The following RORA variants were observed in gnomAD, a reference collection of about 807,000 sequenced individuals.
RORA encodes the protein RAR related orphan receptor A, also known as nuclear receptor ROR-alpha.
Under a neutral mutation model 69.5 loss-of-function variants are expected in RORA, and 7 were observed. That is an observed-to-expected ratio of 0.10 (90% CI 0.06 to 0.19). RORA has a LOEUF of 0.19. Among genes scored for constraint, RORA ranks in the 10% least tolerant of loss-of-function variants. RORA has a pLI of 1.00. For synonymous variants in RORA, 261 were observed against 240.8 expected, an observed-to-expected ratio of 1.08 and a Z score of -0.78; for missense variants, 457 against 663.0, an observed-to-expected ratio of 0.69 and a Z score of 3.41.
intron 2 of RORA, among the ~76,000 whole-genome samples, chr15:60,588,292 A>G (rs1021798096): frequency 1.3e-5 from 2 of 152,230 alleles, no homozygotes; most frequent in East Asian, 3.8e-4. Flanking sequence ...TTTCTTACTA[A>G]TAAGTGCTGT....
At chr15:61,091,409 C>T (rs187904762) in intron 1 of RORA, among the ~76,000 whole-genome samples, 28 of 152,156 alleles carry the variant, frequency 1.8e-4, no homozygotes, top group Middle Eastern at 3.2e-3. Flanking sequence ...CGTCCGTAAG[C>T]GCTGCTGTAC....
chr15:60,945,958 T>C (rs1892856565), intron 1 of RORA, among the ~76,000 whole-genome samples: 1 of 152,048 alleles, frequency 6.6e-6, no homozygotes, highest in Admixed American at 6.5e-5. Flanking sequence ...GACTGACGAG[T>C]CAGGAATGTA....
At chr15:60,760,112 C>T (rs1376015139) in intron 1 of RORA, among the ~76,000 whole-genome samples, 3 of 151,504 alleles carry the variant, frequency 2.0e-5, no homozygotes, top group African/African-American at 7.3e-5. Context: ...TTTTAATTTA[C>T]TTCATTAGAA....
intron 1 of RORA, chr15:60,706,350 G>A (rs2071063090): frequency 6.6e-6 from 1 of 152,176 alleles, no homozygotes; most frequent in Non-Finnish European, 1.5e-5. Context: ...TGTGGCTGTG[G>A]TTTGGTTTCT....
chr15:61,164,801 A>C (rs1446841597), intron 1 of RORA, among the ~76,000 whole-genome samples: 2 of 152,192 alleles, frequency 1.3e-5, no homozygotes, highest in East Asian at 3.9e-4. Flanking sequence ...ATTTTTGAAA[A>C]ATTAAGAGAG....
At chr15:60,628,965 C>T (rs946416429) in intron 2 of RORA, among the ~76,000 whole-genome samples, 8 of 152,222 alleles carry the variant, frequency 5.3e-5, no homozygotes, top group African/African-American at 1.7e-4. Flanking sequence ...AGGAGCTTTT[C>T]CCTGAGCTAG....
chr15:61,222,197 A>C (rs2080104136), intron 1 of RORA, among the ~76,000 whole-genome samples: 1 of 152,158 alleles, frequency 6.6e-6, no homozygotes, highest in Non-Finnish European at 1.5e-5. Context: ...CTCAGCTGTC[A>C]GTGGGTGCTG....
At chr15:60,985,542 T>C (rs964587645) in intron 1 of RORA, among the ~76,000 whole-genome samples, 6 of 149,558 alleles carry the variant, frequency 4.0e-5, no homozygotes, top group Non-Finnish European at 8.9e-5. Flanking sequence ...TTTTCTCACA[T>C]ACGAAAAATT....
At chr15:60,648,932 G>A (rs1232969585) in intron 2 of RORA, among the ~76,000 whole-genome samples, 1 of 152,068 alleles carries the variant, frequency 6.6e-6, no homozygotes, top group Non-Finnish European at 1.5e-5. Context: ...CATATTAAAG[G>A]AGTTTACATG....
intron 1 of RORA, among the ~76,000 whole-genome samples, chr15:60,682,856 C>T (rs2070665831): frequency 6.6e-6 from 1 of 152,196 alleles, no homozygotes; most frequent in Non-Finnish European, 1.5e-5. Context: ...GAGATAGGGA[C>T]TTGATAGAAT....
chr15:61,196,075 T>C (rs747029248), intron 1 of RORA: 1 of 152,248 alleles, frequency 6.6e-6, no homozygotes, highest in South Asian at 2.1e-4. Flanking sequence ...GCTATTTTAG[T>C]AGCAAAACCC....
intron 2 of RORA, among the ~76,000 whole-genome samples, chr15:60,634,567 G>A (rs2069802434): frequency 6.7e-6 from 1 of 149,784 alleles, no homozygotes; most frequent in Non-Finnish European, 1.5e-5. Context: ...ACCACGCCCG[G>A]CTAATTTTTG....
At chr15:60,947,077 C>A (rs1004754145) in intron 1 of RORA, among the ~76,000 whole-genome samples, 1 of 87,004 alleles carries the variant, frequency 1.1e-5, no homozygotes, top group Non-Finnish European at 3.1e-5. Context: ...GGGCCAGCCC[C>A]CGACCGGCCA....
chr15:60,497,666 G>A (rs772569544), intron 10 of RORA, 47 bp from the exon 11 acceptor site: 9 of 1,481,196 alleles, frequency 6.1e-6, no homozygotes, highest in Non-Finnish European at 7.5e-6. Context: ...ACAGGCATAA[G>A]CATCAAAGAT....
At chr15:61,153,190 G>C (rs149112701) in intron 1 of RORA, among the ~76,000 whole-genome samples, 145 of 152,304 alleles carry the variant, frequency 9.5e-4, no homozygotes, top group African/African-American at 3.4e-3. Flanking sequence ...AAGGCAGGTT[G>C]GAGCCCCAAG....
intron 1 of RORA, among the ~76,000 whole-genome samples, chr15:60,731,031 T>G (rs1360135700): frequency 6.6e-6 from 1 of 152,160 alleles, no homozygotes; most frequent in Non-Finnish European, 1.5e-5. Context: ...TAGTTATTCT[T>G]CCTAATCTTC....
chr15:60,665,166 G>T (rs1445365913), intron 2 of RORA, among the ~76,000 whole-genome samples: 1 of 152,168 alleles, frequency 6.6e-6, no homozygotes, highest in African/African-American at 2.4e-5. Flanking sequence ...GGGATTATCA[G>T]GACATCTACT....
intron 2 of RORA, among the ~76,000 whole-genome samples, chr15:60,573,069 C>T (rs1392193141): frequency 6.6e-6 from 1 of 152,154 alleles, no homozygotes; most frequent in African/African-American, 2.4e-5. Context: ...AAGCTGGCTC[C>T]AACCTTTAAT....
chr15:60,971,160 C>T (rs1169024013), intron 1 of RORA, among the ~76,000 whole-genome samples: 2 of 152,178 alleles, frequency 1.3e-5, no homozygotes, highest in Non-Finnish European at 2.9e-5. Context: ...TGGAAAGGGA[C>T]ATCATGCCAT....
Sources: gnomAD v4.1 joint callset for allele counts (sites outside exome capture counted in the v4.1 genomes callset) on GRCh38, gnomAD v4.1.1 for gene constraint, MANE v1.5 for transcripts, NCBI Gene and HGNC (gene_info 2026-07-23, HGNC 2026-07-21) for gene names.